MED26: variants seen among roughly 807,000 people sequenced by gnomAD.
MED26 encodes mediator complex subunit 26.
Under a neutral mutation model 43.7 loss-of-function variants are expected in MED26, and 7 were observed. The ratio of observed to expected loss-of-function variants is 0.16; its 90% CI spans 0.09 to 0.30. The LOEUF (loss-of-function observed/expected upper bound fraction) is 0.30, where lower values mean the gene tolerates loss of function less well. Among genes scored for constraint, MED26 ranks in the 10% least tolerant of loss-of-function variants. The pLI is 1.00. For synonymous variants in MED26, 375 were observed against 371.1 expected, an observed-to-expected ratio of 1.01 and a Z score of -0.12; for missense variants, 784 against 840.6, an observed-to-expected ratio of 0.93 and a Z score of 0.83.
chr19:16,604,954 TCAGTACCTACCTGCAGTACTCGA>T (rs1218817098), intron 1 of MED26, among the ~76,000 whole-genome samples: 4 of 152,060 alleles, frequency 2.6e-5, no homozygotes, highest in South Asian at 2.1e-4. Context: ...GGTAAGAAAA[TCAGTACCTACCTGCAGTACTCGA>T]CAGCACCCAC....
intron 1 of MED26, chr19:16,588,693 T>A (rs1180617042): frequency 6.6e-6 from 1 of 152,386 alleles, no homozygotes; most frequent in Non-Finnish European, 1.5e-5. Flanking sequence ...CACACTGCAC[T>A]TTCTGCTGGG....
intron 1 of MED26, among the ~76,000 whole-genome samples, chr19:16,584,228 C>T (rs1438515711): frequency 6.7e-6 from 1 of 148,324 alleles, no homozygotes; most frequent in Non-Finnish European, 1.5e-5. Context: ...ACTCCAGCCT[C>T]GGTGACAGAG....
intron 1 of MED26, among the ~76,000 whole-genome samples, chr19:16,579,801 C>G (rs771086971): frequency 6.6e-6 from 1 of 152,216 alleles, no homozygotes; most frequent in Non-Finnish European, 1.5e-5. Context: ...GACCCAGCCA[C>G]TGTAGCATTT....
At position 16,621,223 on chromosome 19, in the gene MED26, T is replaced by C. The variant is rs59338048; in HGVS notation, c.72+6649A>G. Among the ~76,000 whole-genome samples, 314 of 152,318 alleles carry C rather than the reference T, an allele frequency of 2.1e-3. 1 individual carries two copies. Among genetic ancestry groups the C allele is most frequent in the African/African-American group, 7.4e-3 (307 of 41,588 alleles). ...ACCCAAGGCTTCTGGTTCCCTTGTC[T>C]GCAATACCAGACAAATCGGTGAATC... is the stretch of plus-strand genomic sequence containing the variant. On this transcript the variant is annotated intron_variant, in intron 1 of 2. Coordinates refer to ENST00000263390, the MANE Select transcript of MED26 (RefSeq NM_004831.5).
chr19:16,601,894 A>G (rs1408343474), intron 1 of MED26, among the ~76,000 whole-genome samples: 1 of 152,168 alleles, frequency 6.6e-6, no homozygotes, highest in Non-Finnish European at 1.5e-5. Context: ...TGAAGCAGGG[A>G]GACAGTTCTG....
chr19:16,595,621 A>G (rs568283741), intron 1 of MED26, among the ~76,000 whole-genome samples: 175 of 152,298 alleles, frequency 1.1e-3, no homozygotes, highest in African/African-American at 4.2e-3. Context: ...CACAGAACAA[A>G]GTGTGGAGCC....
rs2122393390 is a variant in MED26 at position 16,586,053 on chromosome 19, A to G, written c.73-7644T>C. Among the ~76,000 whole-genome samples, 1 of 152,346 alleles carries G rather than the reference A, an allele frequency of 6.6e-6. No homozygotes were observed. Among genetic ancestry groups the G allele is most frequent in the East Asian group, 1.9e-4 (1 of 5,192 alleles). On this transcript the variant is annotated intron_variant, in intron 1 of 2. Coordinates refer to ENST00000263390, the MANE Select transcript of MED26 (RefSeq NM_004831.5). This position sits in a 1 kb window ranked among gnomAD's most constrained non-coding sequence, Gnocchi z 5.1. ...TGGCTTGCCTCTCCATTTTCTCCAC[A>G]TCTGAACTGTTCCCACCCCGCCTGA...
intron 1 of MED26, among the ~76,000 whole-genome samples, chr19:16,627,512 G>A (rs1190174733): frequency 6.6e-6 from 1 of 152,258 alleles, no homozygotes; most frequent in African/African-American, 2.4e-5. Flanking sequence ...TCCCGCTCCG[G>A]GAGGGCTTCC....
At position 16,575,809 on chromosome 19, in the gene MED26, G is replaced by A. The variant is rs537154566; in HGVS notation, c.*218C>T. 13 of 567,784 alleles carry A rather than the reference G, an allele frequency of 2.3e-5. No homozygotes were observed. Among genetic ancestry groups the A allele is most frequent in the South Asian group, 9.1e-5 (4 of 44,138 alleles). 35.2% of individuals were successfully genotyped at this position (567,784 alleles called of 1,614,324 possible). A position where few individuals can be genotyped will look rare whatever the true frequency, so the allele number is the denominator to read the frequency against. ...CCTTCCTTCCACGCGGTCCTTCTTCGCAATTTTGTTAGTAAACTGGTAGCA... is the reference window on the plus strand; with the variant it reads ...CCTTCCTTCCACGCGGTCCTTCTTCACAATTTTGTTAGTAAACTGGTAGCA... On this transcript the variant is annotated 3_prime_UTR_variant, in exon 3 of 3. Coordinates refer to ENST00000263390, the MANE Select transcript of MED26 (RefSeq NM_004831.5).
intron 1 of MED26, among the ~76,000 whole-genome samples, chr19:16,583,540 T>C (rs1487133033): frequency 2.0e-5 from 3 of 152,062 alleles, no homozygotes; most frequent in Admixed American, 6.6e-5. Context: ...AGAACCTCCA[T>C]GCAGCTACTA....
At chr19:16,598,660 A>G (rs2086134009) in intron 1 of MED26, among the ~76,000 whole-genome samples, 1 of 152,174 alleles carries the variant, frequency 6.6e-6, no homozygotes, top group Non-Finnish European at 1.5e-5. Context: ...CCCTCTGACA[A>G]GTTCCACCAC....
chr19:16,615,055 A>C (rs962541844), intron 1 of MED26, among the ~76,000 whole-genome samples: 2 of 151,726 alleles, frequency 1.3e-5, no homozygotes, highest in Non-Finnish European at 2.9e-5. Flanking sequence ...GCAAGAAAAC[A>C]ACCAACCAGT....
rs1207225939 is a variant in MED26 at position 16,575,850 on chromosome 19, A to C, written c.*177T>G. 6.7e-6 allele frequency: 4 copies of C among 600,456 alleles called. No individual in the cohort carries two copies. The highest frequency in any genetic ancestry group is 1.2e-5 in the Non-Finnish European group (4 of 341,890). The allele number at this position is 600,456 out of a possible 1,614,324, so 37.2% of individuals were successfully genotyped here. A position where few individuals can be genotyped will look rare whatever the true frequency, so the allele number is the denominator to read the frequency against. The stretch of plus-strand genomic sequence containing the variant: ...ACTGGTAGCAGCATTTCACAAAAAG[A>C]GTTTTGAGGGAAGAGCGCAGAGAGA... On this transcript the variant is annotated 3_prime_UTR_variant, in exon 3 of 3. Transcript: ENST00000263390.
At chr19:16,597,842 C>T (rs971197269) in intron 1 of MED26, among the ~76,000 whole-genome samples, 8 of 152,180 alleles carry the variant, frequency 5.3e-5, no homozygotes, top group Admixed American at 5.2e-4. Context: ...CCCACCTCAG[C>T]CTCACAAGCA....
At chr19:16,599,291 A>T (rs2086137438) in intron 1 of MED26, among the ~76,000 whole-genome samples, 1 of 152,224 alleles carries the variant, frequency 6.6e-6, no homozygotes. Context: ...ACAAGCCCAT[A>T]AAGTCCTTTT....
chr19:16,627,292 A>T (rs1484238668), intron 1 of MED26, among the ~76,000 whole-genome samples: 7 of 152,142 alleles, frequency 4.6e-5, no homozygotes, highest in Non-Finnish European at 1.0e-4. Context: ...GTCTAGTCAC[A>T]GAAGGGAGAC....
At position 16,576,072 on chromosome 19, in the gene MED26, G is replaced by A. The variant is rs368501132; in HGVS notation, c.1758C>T (p.Gly586=). 6 of 1,613,800 alleles carry A rather than the reference G, an allele frequency of 3.7e-6. No homozygotes were observed. The highest frequency in any genetic ancestry group is 2.2e-5 in the South Asian group (2 of 91,090). Residue 586 remains glycine, a synonymous_variant, in exon 3 of 3, where the codon GGC becomes GGT. Coordinates refer to ENST00000263390, the MANE Select transcript of MED26 (RefSeq NM_004831.5). The surrounding 1 kb of genome is among the most constrained non-coding windows in gnomAD (Gnocchi z 6.8). ...GCAGAATGTTCAAGCGCCCGTCGTCGCCGTGCGGATCGAGCGATATGCACT... is the reference window on the plus strand; with the variant it reads ...GCAGAATGTTCAAGCGCCCGTCGTCACCGTGCGGATCGAGCGATATGCACT... ...WTQCISLDPH[G]DDGRLNILPY...
intron 1 of MED26, among the ~76,000 whole-genome samples, chr19:16,596,727 G>A (rs934546135): frequency 6.6e-6 from 1 of 152,240 alleles, no homozygotes; most frequent in Non-Finnish European, 1.5e-5. Context: ...CACTCCCTTC[G>A]CCCTTCACAA....
chr19:16,609,083 G>A (rs1487132450), intron 1 of MED26, among the ~76,000 whole-genome samples: 1 of 152,130 alleles, frequency 6.6e-6, no homozygotes, highest in Non-Finnish European at 1.5e-5. Context: ...GGGAGGCTGA[G>A]GCAGGTGGGT....
Sources: gnomAD v4.1 joint callset for allele counts (sites outside exome capture counted in the v4.1 genomes callset) on GRCh38, gnomAD v4.1.1 for gene constraint, Gnocchi (gnomAD v3.1) non-coding constraint, MANE v1.5 for transcripts, NCBI Gene and HGNC (gene_info 2026-07-23, HGNC 2026-07-21) for gene names.